The following ACSS3 variants were observed in gnomAD, a reference collection of about 807,000 sequenced individuals.
ACSS3 encodes acyl-CoA synthetase short chain family member 3, also known as acyl-CoA synthetase short-chain family member 3, mitochondrial.
In ACSS3, 64 loss-of-function variants were observed where a neutral mutation model predicts 84.2. The observed-to-expected ratio is 0.76, with a 90% CI of 0.62 to 0.94. ACSS3 has a LOEUF of 0.94. ACSS3 is among the 40% of genes least tolerant of loss of function. The pLI, the probability that ACSS3 is intolerant of heterozygous loss-of-function variation, is 0.00. For missense variants in ACSS3, 815 were observed against 867.6 expected (o/e 0.94, Z 0.76); for synonymous variants, 317 against 310.1 (o/e 1.02, Z -0.23).
At chr12:81,087,758 T>A (rs915163628) in intron 1 of ACSS3, among the ~76,000 whole-genome samples, 3 of 152,024 alleles carry the variant, frequency 2.0e-5, no homozygotes, top group African/African-American at 7.2e-5. Context: ...CCTCTAACTC[T>A]CCCTCCCAAC....
chr12:81,146,726 G>A (rs2135741422), intron 5 of ACSS3, among the ~76,000 whole-genome samples: 1 of 152,212 alleles, frequency 6.6e-6, no homozygotes, highest in African/African-American at 2.4e-5. Flanking sequence ...TGGTCTGGGT[G>A]CCTATATTTG....
chr12:81,141,188 C>G (rs1390055187), intron 4 of ACSS3, among the ~76,000 whole-genome samples: 4 of 152,194 alleles, frequency 2.6e-5, no homozygotes, highest in African/African-American at 9.6e-5. Context: ...AACTAGCTTA[C>G]TTTCTCAGCT....
At chr12:81,155,308 C>T (rs769331121) in intron 7 of ACSS3, among the ~76,000 whole-genome samples, 3 of 152,146 alleles carry the variant, frequency 2.0e-5, no homozygotes, top group Non-Finnish European at 2.9e-5. Flanking sequence ...ATTCTGCTTA[C>T]GTTTCCTGGA....
chr12:81,128,089 T>G (rs1033108720), intron 2 of ACSS3, among the ~76,000 whole-genome samples: 15 of 152,186 alleles, frequency 9.9e-5, no homozygotes, highest in African/African-American at 2.9e-4. Flanking sequence ...TATATTTATG[T>G]TATTTATAAA....
intron 7 of ACSS3, among the ~76,000 whole-genome samples, chr12:81,171,593 A>G (rs1421999298): frequency 1.3e-5 from 2 of 152,150 alleles, no homozygotes; most frequent in Non-Finnish European, 2.9e-5. Flanking sequence ...TACTATTCTA[A>G]TAGTAATGCT....
Position 81,255,030 on chromosome 12 carries a change from T to C in ACSS3, c.*108T>C, listed in dbSNP as rs914398765. The C allele has an allele frequency of 2.0e-5, 21 of 1,043,516 alleles. No homozygotes were observed. In the African/African-American group the frequency reaches 3.1e-4, roughly 16 times the overall value. The allele number at this position is 1,043,516 out of a possible 1,614,324, so 64.6% of individuals were successfully genotyped here. A position where few individuals can be genotyped will look rare whatever the true frequency, so the allele number is the denominator to read the frequency against. On this transcript the variant is annotated 3_prime_UTR_variant, in exon 16 of 16. Transcript: ENST00000548058. ...ATTTCAGTAGAAATTACTTGCAAAA[T>C]GAAATGTGAATTGTAAAACTTGGCC...
intron 7 of ACSS3, among the ~76,000 whole-genome samples, chr12:81,169,563 T>C (rs184220640): frequency 5.3e-4 from 80 of 152,290 alleles, no homozygotes; most frequent in Non-Finnish European, 8.7e-4. Context: ...CCCTTGAAGG[T>C]TGTCAATCTT....
At chr12:81,242,740 A>G (rs2033851441) in intron 13 of ACSS3, among the ~76,000 whole-genome samples, 1 of 137,878 alleles carries the variant, frequency 7.3e-6, no homozygotes, top group African/African-American at 2.6e-5. Context: ...GCATATAAAC[A>G]GAACCAAAGA....
At chr12:81,087,837 G>T (rs1335219860) in intron 1 of ACSS3, among the ~76,000 whole-genome samples, 1 of 152,004 alleles carries the variant, frequency 6.6e-6, no homozygotes, top group African/African-American at 2.4e-5. Context: ...CCCTAATTTT[G>T]GTGGTTAGGA....
chr12:81,146,565 T>C lies in ACSS3; in HGVS notation c.921+3318T>C, dbSNP rs923836303. Among the ~76,000 whole-genome samples, 5 of 152,230 alleles carry C rather than the reference T, an allele frequency of 3.3e-5. No homozygotes were observed. In the East Asian group the frequency reaches 7.7e-4, roughly 23 times the overall value. ...TTTGGTTAGAATTTGTAGATACATTTAAAGCATATTTGCATATCAGCATTT... is the reference window on the plus strand; with the variant it reads ...TTTGGTTAGAATTTGTAGATACATTCAAAGCATATTTGCATATCAGCATTT... On this transcript the variant is annotated intron_variant, in intron 5 of 15. Coordinates refer to ENST00000548058, the MANE Select transcript of ACSS3 (RefSeq NM_024560.4).
intron 8 of ACSS3, among the ~76,000 whole-genome samples, chr12:81,194,910 G>A (rs989499193): frequency 1.3e-5 from 2 of 151,864 alleles, no homozygotes; most frequent in African/African-American, 4.8e-5. Flanking sequence ...AAGATATCAG[G>A]TGTCCCTTGG....
At chr12:81,129,545 T>G (rs1885345773) in intron 2 of ACSS3, among the ~76,000 whole-genome samples, 1 of 152,200 alleles carries the variant, frequency 6.6e-6, no homozygotes, top group Admixed American at 6.5e-5. Context: ...TCTTAAAATG[T>G]GATATGGCCC....
chr12:81,199,698 G>T, intron 9 of ACSS3: 1 of 1,393,326 alleles, frequency 7.2e-7, no homozygotes, highest in Non-Finnish European at 9.5e-7. Context: ...TCTCTTCTTT[G>T]TTTCTTATAT....
intron 3 of ACSS3, among the ~76,000 whole-genome samples, chr12:81,136,333 C>T (rs982871642): frequency 1.3e-5 from 2 of 152,112 alleles, no homozygotes; most frequent in African/African-American, 2.4e-5. Context: ...CTCTATCGCA[C>T]CTACTCAGCT....
chr12:81,168,910 T>A (rs1399842178), intron 7 of ACSS3, among the ~76,000 whole-genome samples: 1 of 152,220 alleles, frequency 6.6e-6, no homozygotes, highest in Non-Finnish European at 1.5e-5. Flanking sequence ...AATAGCCTTG[T>A]CTGAGATAAT....
At chr12:81,104,441 GAGAGTCT>G (rs1259417425) in intron 1 of ACSS3, among the ~76,000 whole-genome samples, 1 of 152,116 alleles carries the variant, frequency 6.6e-6, no homozygotes, top group East Asian at 1.9e-4. Context: ...AGACCTGCTG[GAGAGTCT>G]AGATTTCTGC....
At chr12:81,097,170 T>C (rs10778784) in intron 1 of ACSS3, among the ~76,000 whole-genome samples, 49,779 of 152,026 alleles carry the variant, frequency 0.33, 8,412 homozygotes, top group Admixed American at 0.45. Flanking sequence ...AACATTTCCA[T>C]TGTCACAGAA....
chr12:81,162,686 A>G (rs566589404), intron 7 of ACSS3, among the ~76,000 whole-genome samples: 139 of 152,044 alleles, frequency 9.1e-4, no homozygotes, highest in Non-Finnish European at 1.8e-3. Flanking sequence ...GCTGTCATTA[A>G]CATGTTGTCC....
chr12:81,229,865 C>T (rs1279384758), intron 11 of ACSS3, among the ~76,000 whole-genome samples: 2 of 145,870 alleles, frequency 1.4e-5, no homozygotes, highest in African/African-American at 5.0e-5. Context: ...TAGAAGTGGG[C>T]GATATCTGCT....
Sources: gnomAD v4.1 joint callset for allele counts (sites outside exome capture counted in the v4.1 genomes callset) on GRCh38, gnomAD v4.1.1 for gene constraint, MANE v1.5 for transcripts, NCBI Gene and HGNC (gene_info 2026-07-23, HGNC 2026-07-21) for gene names.